SCIN: variants seen among roughly 807,000 people sequenced by gnomAD.
SCIN encodes the protein adseverin.
Under a neutral mutation model 91.8 loss-of-function variants are expected in SCIN, and 91 were observed. The ratio of observed to expected loss-of-function variants is 0.99; its 90% CI spans 0.84 to 1.18. The LOEUF is 1.18. SCIN is among the 50% of genes most tolerant of loss of function. The probability of loss-of-function intolerance (pLI) is 0.00; values close to 1 mark genes in which losing one functional copy is unlikely to be tolerated. For missense variants in SCIN, 1,087 were observed against 863.9 expected (o/e 1.26, Z -3.24); for synonymous variants, 367 against 312.6 (o/e 1.17, Z -1.84).
chr7:12,655,808 G>A lies in SCIN; in HGVS notation c.*3093G>A, dbSNP rs982359137. 3 of 152,110 alleles carry A rather than the reference G, an allele frequency of 2.0e-5. No individual in the cohort carries two copies. The highest frequency in any genetic ancestry group is 7.2e-5 in the African/African-American group (3 of 41,418). The allele number at this position is 152,110 out of a possible 1,614,324, so 9.4% of individuals were successfully genotyped here. A position where few individuals can be genotyped will look rare whatever the true frequency, so the allele number is the denominator to read the frequency against. On this transcript the variant is annotated 3_prime_UTR_variant, in exon 16 of 16. Coordinates refer to ENST00000297029, the MANE Select transcript of SCIN (RefSeq NM_001112706.3). ...GAGAAAGAGATACAGGTGTTCCCTA[G>A]CAAGTTAATATGCTTGTGTCTCTTC...
chr7:12,635,908 C>T (rs1783741425), intron 9 of SCIN, 137 bp from the exon 10 acceptor site: 3 of 665,078 alleles, frequency 4.5e-6, no homozygotes, highest in African/African-American at 1.8e-5. Flanking sequence ...AAAACAATAG[C>T]TTAACAGCTT....
chr7:12,577,855 CAA>C (rs5882366), intron 1 of SCIN: 33,750 of 396,342 alleles, frequency 0.085, 364 homozygotes, highest in South Asian at 0.14. Flanking sequence ...CACCCTCTCT[CAA>C]AAAAAAAAAA....
intron 4 of SCIN, among the ~76,000 whole-genome samples, chr7:12,607,062 A>G (rs1783093702): frequency 6.6e-6 from 1 of 152,224 alleles, no homozygotes; most frequent in Non-Finnish European, 1.5e-5. Context: ...GGATAGAAGC[A>G]GATTCAGGAA....
At chr7:12,592,995 T>G (rs540606341) in intron 3 of SCIN, among the ~76,000 whole-genome samples, 1 of 152,142 alleles carries the variant, frequency 6.6e-6, no homozygotes, top group East Asian at 1.9e-4. Flanking sequence ...GCTATGGGAG[T>G]GCAAGTGATT....
At chr7:12,644,438 T>G in intron 12 of SCIN, 123 bp downstream of exon 12, 2 of 1,436,188 alleles carry the variant, frequency 1.4e-6, no homozygotes, top group South Asian at 2.8e-5. Context: ...CTCCATTAGT[T>G]GCAGAGGTGG....
At chr7:12,577,908 A>G in intron 1 of SCIN, 156 bp from the exon 2 acceptor site, 4 of 663,430 alleles carry the variant, frequency 6.0e-6, no homozygotes, top group Non-Finnish European at 9.8e-6. Flanking sequence ...AAAATAATGT[A>G]TTACATACAG....
At chr7:12,606,613 A>G (rs1340455014) in intron 4 of SCIN, among the ~76,000 whole-genome samples, 2 of 152,190 alleles carry the variant, frequency 1.3e-5, no homozygotes. Flanking sequence ...ATAAAATTTT[A>G]TATGCAATAT....
chr7:12,600,725 C>A lies in SCIN; in HGVS notation c.517-3789C>A, dbSNP rs146855743. ...TGCTCAGAGTACATCACACTTGGCA[C>A]ACACTGGTTGAATGCTAGAATCACC... On this transcript the variant is annotated intron_variant, in intron 3 of 15. Coordinates refer to ENST00000297029, the MANE Select transcript of SCIN (RefSeq NM_001112706.3). Among the ~76,000 whole-genome samples the A allele has an allele frequency of 3.5e-3, 536 of 152,266 alleles. 2 individuals are homozygous for A. Among genetic ancestry groups the A allele is most frequent in the African/African-American group, 0.012 (517 of 41,540 alleles).
intron 4 of SCIN, among the ~76,000 whole-genome samples, chr7:12,612,770 A>T (rs560825193): frequency 6.6e-6 from 1 of 152,322 alleles, no homozygotes; most frequent in East Asian, 1.9e-4. Flanking sequence ...CAGTGGGGGA[A>T]GTTGAAATGT....
chr7:12,652,809 T>G lies in SCIN; in HGVS notation c.*94T>G. On this transcript the variant is annotated 3_prime_UTR_variant, in exon 16 of 16. Transcript: ENST00000297029. Reference sequence around the variant, plus strand: ...GGGAAAAGCTTTTTGCTTATTTGTCTTTTGAAAATTAAGGCTGGGCGCGGT... The same window carrying G: ...GGGAAAAGCTTTTTGCTTATTTGTCGTTTGAAAATTAAGGCTGGGCGCGGT... 1.3e-6 allele frequency: 2 copies of G among 1,512,430 alleles called. No homozygotes were observed. Among genetic ancestry groups the G allele is most frequent in the Non-Finnish European group, 1.8e-6 (2 of 1,126,184 alleles). The allele number at this position is 1,512,430 out of a possible 1,614,324, so 93.7% of individuals were successfully genotyped here.
intron 4 of SCIN, 25 bp from the exon 5 acceptor site, chr7:12,622,776 G>A (rs770752583): frequency 6.6e-7 from 1 of 1,505,018 alleles, no homozygotes. Context: ...CTTTATCTTT[G>A]CATCCACTGC....
chr7:12,616,245 G>T (rs2115263965), intron 4 of SCIN, among the ~76,000 whole-genome samples: 1 of 152,192 alleles, frequency 6.6e-6, no homozygotes, highest in Middle Eastern at 3.4e-3. Context: ...TGATCTTTAT[G>T]GACCCAGCAG....
intron 9 of SCIN, 42 bp downstream of exon 9, chr7:12,629,264 A>G (rs757931283): frequency 3.8e-6 from 6 of 1,572,080 alleles, no homozygotes; most frequent in Non-Finnish European, 5.2e-6. Context: ...CACAGGAGCC[A>G]GATTTTGCTC....
intron 8 of SCIN, 60 bp downstream of exon 8, chr7:12,626,859 T>G (rs2115275730): frequency 2.9e-6 from 4 of 1,377,978 alleles, no homozygotes; most frequent in Admixed American, 2.0e-5. Flanking sequence ...AGGGGGAGGG[T>G]GGGGGAGATC....
rs1274389633 is a variant in SCIN, at chr7:12,655,949, A to G, written c.*3234A>G. 1 of 152,164 alleles carries G rather than the reference A, an allele frequency of 6.6e-6. No homozygotes were observed. Among genetic ancestry groups the G allele is most frequent in the Non-Finnish European group, 1.5e-5 (1 of 68,018 alleles). 9.4% of individuals were successfully genotyped at this position (152,164 alleles called of 1,614,324 possible). ...CCTCATCTTTTCTCTCTGATTCAAG[A>G]AATTCATACTCAACTCAGTCAAACA... On this transcript the variant is annotated 3_prime_UTR_variant, in exon 16 of 16. Transcript: ENST00000297029.
Position 12,581,120 on chromosome 7 carries a change from C to T in SCIN, c.415C>T (p.Leu139Phe), listed in dbSNP as rs765480321. Reference protein sequence around the residue: ...VLTNDLTAKRLLHVKGRRVVR... With the variant: ...VLTNDLTAKRFLHVKGRRVVR... Reference sequence around the variant, plus strand: ...TACGAACGACCTGACAGCCAAGAGGCTCCTACATGTGAAGGGTCGTAGAGT... The same window carrying T: ...TACGAACGACCTGACAGCCAAGAGGTTCCTACATGTGAAGGGTCGTAGAGT... Residue 139 changes from leucine to phenylalanine, a missense_variant, in exon 3 of 16, where the codon CTC becomes TTC. Coordinates refer to ENST00000297029, the MANE Select transcript of SCIN (RefSeq NM_001112706.3). 6.4e-7 allele frequency: 1 copy of T among 1,551,306 alleles called. No individual in the cohort carries two copies. Among genetic ancestry groups the T allele is most frequent in the African/African-American group, 1.4e-5 (1 of 73,026 alleles).
At chr7:12,624,145 C>T (rs898880470) in intron 5 of SCIN, among the ~76,000 whole-genome samples, 4 of 152,088 alleles carry the variant, frequency 2.6e-5, no homozygotes, top group African/African-American at 9.7e-5. Context: ...GAAAATAATT[C>T]GGGTTTCTTA....
chr7:12,589,203 T>G (rs1397100722), intron 3 of SCIN: 7 of 149,648 alleles, frequency 4.7e-5, no homozygotes, highest in African/African-American at 1.7e-4. Flanking sequence ...AGGCGCTGCC[T>G]GATTTCAGCA....
chr7:12,614,225 G>C (rs140758444), intron 4 of SCIN, among the ~76,000 whole-genome samples: 55 of 152,262 alleles, frequency 3.6e-4, no homozygotes, highest in African/African-American at 1.3e-3. Context: ...TCACTGGTAG[G>C]CTGAACTTCC....
Sources: allele counts gnomAD v4.1 joint callset (sites outside exome capture counted in the v4.1 genomes callset), GRCh38; gene constraint gnomAD v4.1.1; transcripts MANE v1.5; gene names NCBI Gene and HGNC (gene_info 2026-07-23, HGNC 2026-07-21).